PKHD1: variants seen among roughly 807,000 people sequenced by gnomAD.
The protein encoded by PKHD1 is fibrocystin.
In PKHD1, 291 loss-of-function variants were observed where a neutral mutation model predicts 412.0. The ratio of observed to expected loss-of-function variants is 0.71; its 90% CI spans 0.64 to 0.78. The LOEUF is 0.78. Among genes scored for constraint, PKHD1 ranks in the 30% least tolerant of loss-of-function variants. The pLI is 0.00. For synonymous variants in PKHD1, 1,777 were observed against 1,821.5 expected, an observed-to-expected ratio of 0.98 and a Z score of 0.62; for missense variants, 4,825 against 4,950.7, an observed-to-expected ratio of 0.97 and a Z score of 0.76.
At chr6:51,842,877 C>A (rs986617492) in intron 50 of PKHD1, among the ~76,000 whole-genome samples, 1 of 152,168 alleles carries the variant, frequency 6.6e-6, no homozygotes, top group Non-Finnish European at 1.5e-5. Flanking sequence ...GGGAAACCCA[C>A]GTCTGTGAGA....
chr6:51,845,711 C>G (rs1771028278), intron 50 of PKHD1, among the ~76,000 whole-genome samples: 1 of 152,200 alleles, frequency 6.6e-6, no homozygotes, highest in African/African-American at 2.4e-5. Context: ...GCTACTTACA[C>G]AGATGTGCAT....
chr6:51,793,140 AAATG>A lies in PKHD1; in HGVS notation c.8303-1771_8303-1768del, dbSNP rs532154611. Among the ~76,000 whole-genome samples the A allele has an allele frequency of 1.5e-3, 232 of 152,322 alleles. 2 individuals are homozygous for A. The highest frequency in any genetic ancestry group is 5.3e-3 in the African/African-American group (220 of 41,566). On this transcript the variant is annotated intron_variant, in intron 52 of 66. Coordinates refer to ENST00000371117, the MANE Select transcript of PKHD1 (RefSeq NM_138694.4). The stretch of plus-strand genomic sequence containing the variant: ...CAAGAGCTCATTGATGACTGGTACA[AAATG>A]AATGATCAAGCTAAACAGACAAAAA...
intron 60 of PKHD1, among the ~76,000 whole-genome samples, chr6:51,697,681 T>C (rs1205529982): frequency 6.6e-6 from 1 of 152,252 alleles, no homozygotes; most frequent in Non-Finnish European, 1.5e-5. Flanking sequence ...AAGTCAGTGC[T>C]ACAGAGGGAT....
chr6:51,633,925 G>A (rs1049128250), intron 64 of PKHD1, among the ~76,000 whole-genome samples: 2 of 151,990 alleles, frequency 1.3e-5, no homozygotes, highest in African/African-American at 4.8e-5. Context: ...CTTTAATTTT[G>A]GGGGTGATGA....
At position 52,058,488 on chromosome 6, in the gene PKHD1, T is replaced by C. The variant is rs771850948; in HGVS notation, c.1347A>G (p.Gly449=). The part of the protein sequence containing the change: ...QKTPKLELLG[G]AMYYLEAEHH... ...GCTCTGCTTCCAGGTAGTACATGGC[T>C]CCACCCAACAGCTCCAACTTGGGAG... Residue 449 remains glycine, a synonymous_variant, in exon 16 of 67, where the codon GGA becomes GGG. Transcript: ENST00000371117. 1 of 1,614,210 alleles carries C rather than the reference T, an allele frequency of 6.2e-7. No individual in the cohort carries two copies. The highest frequency in any genetic ancestry group is 8.5e-7 in the Non-Finnish European group (1 of 1,180,020).
At chr6:51,985,999 T>A (rs560255780) in intron 35 of PKHD1, among the ~76,000 whole-genome samples, 2 of 152,198 alleles carry the variant, frequency 1.3e-5, no homozygotes, top group African/African-American at 4.8e-5. Context: ...ATGGTACCGG[T>A]CATATTAACA....
At chr6:51,956,843 G>C (rs12110762) in intron 36 of PKHD1, among the ~76,000 whole-genome samples, 12,308 of 152,068 alleles carry the variant, frequency 0.081, 860 homozygotes, top group African/African-American at 0.19. Context: ...TATATTCATA[G>C]AAGAGCTAGA....
At chr6:51,805,182 G>A (rs1405082861) in intron 52 of PKHD1, among the ~76,000 whole-genome samples, 1 of 152,160 alleles carries the variant, frequency 6.6e-6, no homozygotes, top group East Asian at 1.9e-4. Context: ...CATATGCCAT[G>A]GAACACTACA....
intron 54 of PKHD1, among the ~76,000 whole-genome samples, chr6:51,773,244 T>C (rs1360816090): frequency 6.6e-6 from 1 of 152,020 alleles, no homozygotes; most frequent in Non-Finnish European, 1.5e-5. Flanking sequence ...GTTTAGTGGC[T>C]GGACTTAATA....
chr6:51,807,458 A>AAATAT (rs1332349363), intron 52 of PKHD1, among the ~76,000 whole-genome samples: 2 of 49,676 alleles, frequency 4.0e-5, no homozygotes, highest in Non-Finnish European at 8.3e-5. Flanking sequence ...AAAAAAAAAA[A>AAATAT]ATATATATAT....
At chr6:52,078,837 G>A (rs1328969407) in intron 5 of PKHD1, among the ~76,000 whole-genome samples, 1 of 152,134 alleles carries the variant, frequency 6.6e-6, no homozygotes, top group Non-Finnish European at 1.5e-5. Flanking sequence ...TAGTAAAAAA[G>A]AATGATATAA....
intron 34 of PKHD1, among the ~76,000 whole-genome samples, chr6:52,014,476 T>C (rs550789185): frequency 3.3e-5 from 5 of 152,294 alleles, no homozygotes; most frequent in Non-Finnish European, 7.4e-5. Flanking sequence ...AGGGATGTGA[T>C]CAATACTGGA....
intron 52 of PKHD1, among the ~76,000 whole-genome samples, chr6:51,806,896 G>A (rs1030749793): frequency 6.6e-6 from 1 of 152,062 alleles, no homozygotes; most frequent in Non-Finnish European, 1.5e-5. Flanking sequence ...TTGGGAGAAG[G>A]TAAAACACTT....
rs1175460940 is a variant in PKHD1 at position 51,897,417 on chromosome 6, C to T, written c.6996+6180G>A. The stretch of plus-strand genomic sequence containing the variant: ...AATTTCATATCCAGCCAAACGAAGC[C>T]TCATAAGTGAAGGAGAAATAAAATC... On this transcript the variant is annotated intron_variant, in intron 43 of 66. Coordinates refer to ENST00000371117, the MANE Select transcript of PKHD1 (RefSeq NM_138694.4). Among the ~76,000 whole-genome samples, 30 of 152,126 alleles carry T rather than the reference C, an allele frequency of 2.0e-4. 1 individual carries two copies. The South Asian group carries it at 2.7e-3, about 14-fold the overall frequency.
At chr6:51,966,225 T>C (rs1289809154) in intron 35 of PKHD1, among the ~76,000 whole-genome samples, 1 of 152,146 alleles carries the variant, frequency 6.6e-6, no homozygotes, top group African/African-American at 2.4e-5. Flanking sequence ...TTTATACATT[T>C]TAGGGAGACA....
intron 52 of PKHD1, among the ~76,000 whole-genome samples, chr6:51,814,599 G>A (rs1299101461): frequency 6.6e-6 from 1 of 152,086 alleles, no homozygotes; most frequent in Non-Finnish European, 1.5e-5. Flanking sequence ...GAGGCCTGCA[G>A]GCTTGGAAGG....
At chr6:51,869,610 G>A (rs904900315) in intron 47 of PKHD1, among the ~76,000 whole-genome samples, 3 of 152,140 alleles carry the variant, frequency 2.0e-5, no homozygotes, top group African/African-American at 7.2e-5. Flanking sequence ...CATAGGAGTA[G>A]TGTGATTTTT....
intron 58 of PKHD1, among the ~76,000 whole-genome samples, chr6:51,747,531 C>A (rs1785359455): frequency 6.6e-6 from 1 of 152,086 alleles, no homozygotes; most frequent in Non-Finnish European, 1.5e-5. Flanking sequence ...ATAGCAAGAT[C>A]CCATCTCATT....
In PKHD1 at chr6:51,752,511, CAA is replaced by C. The variant is rs746224514; in HGVS notation, c.8950+688_8950+689del. ...AAAACTGGTAAAATAGTTGTGCCAA[CAA>C]AGAGTGTCCCATACTGAATATATTT... On this transcript the variant is annotated intron_variant, in intron 57 of 66. Coordinates refer to ENST00000371117, the MANE Select transcript of PKHD1 (RefSeq NM_138694.4). 3.3e-5 allele frequency among the ~76,000 whole-genome samples: 5 copies of C among 152,170 alleles called. No individual in the cohort carries two copies. In the East Asian group the frequency reaches 7.7e-4, roughly 23 times the overall value.
Sources: allele counts gnomAD v4.1 joint callset (sites outside exome capture counted in the v4.1 genomes callset), GRCh38; gene constraint gnomAD v4.1.1; transcripts MANE v1.5; gene names NCBI Gene and HGNC (gene_info 2026-07-23, HGNC 2026-07-21).